NRCAM: variants seen among roughly 807,000 people sequenced by gnomAD.
NRCAM encodes NgCAM-related cell adhesion molecule.
In NRCAM, 83 loss-of-function variants were observed where a neutral mutation model predicts 156.5. That is an observed-to-expected ratio of 0.53 (90% confidence interval 0.44 to 0.64). NRCAM has a LOEUF of 0.64. Ranked by LOEUF, NRCAM falls within the 30% of genes least tolerant of loss-of-function variation. The pLI is 0.00. For synonymous variants in NRCAM, 538 were observed against 563.9 expected (o/e 0.95, Z 0.65); for missense variants, 1,417 against 1,597.3 (o/e 0.89, Z 1.92).
intron 8 of NRCAM, among the ~76,000 whole-genome samples, chr7:108,230,780 T>C (rs899940162): frequency 6.6e-6 from 1 of 152,136 alleles, no homozygotes; most frequent in African/African-American, 2.4e-5. Flanking sequence ...TAAATGTACT[T>C]ATTGCATTTA....
intron 2 of NRCAM, among the ~76,000 whole-genome samples, chr7:108,312,944 G>C (rs891701005): frequency 2.6e-5 from 4 of 152,178 alleles, no homozygotes; most frequent in Non-Finnish European, 5.9e-5. Context: ...CAGAACTCTG[G>C]TGGACATCCC....
intron 3 of NRCAM, among the ~76,000 whole-genome samples, chr7:108,301,190 T>C (rs1454254534): frequency 2.0e-5 from 3 of 152,186 alleles, no homozygotes; most frequent in Non-Finnish European, 2.9e-5. Context: ...TTATTGCATA[T>C]CTGAACAAAG....
At position 108,189,807 on chromosome 7, in the gene NRCAM, C is replaced by T. The variant is rs117767459; in HGVS notation, c.1934-61G>A. 4,141 of 711,756 alleles carry T rather than the reference C, an allele frequency of 5.8e-3. 39 individuals carry two copies. The highest frequency in any genetic ancestry group is 0.027 in the East Asian group (1,016 of 38,224). 44.1% of individuals were successfully genotyped at this position (711,756 alleles called of 1,614,324 possible). A position where few individuals can be genotyped will look rare whatever the true frequency, so the allele number is the denominator to read the frequency against. On this transcript the variant is annotated intron_variant, in intron 19 of 32. Transcript: ENST00000379028. Reference sequence around the variant, plus strand: ...TCCATCTTTAAGAGGCTCTCCTTTACTCGTGATACTATTCACAGAGGGGAC... The same window carrying T: ...TCCATCTTTAAGAGGCTCTCCTTTATTCGTGATACTATTCACAGAGGGGAC...
Position 108,296,592 on chromosome 7 carries a change from G to T in NRCAM, c.-107+16073C>A, listed in dbSNP as rs558405969. On this transcript the variant is annotated intron_variant, in intron 3 of 32. Transcript: ENST00000379028. ...AGGTCAGGATGGTTTTTGGAGGGAG[G>T]GGGATTGTAGGGGGTCTTCATACCC... Among the ~76,000 whole-genome samples the T allele has an allele frequency of 7.2e-5, 11 of 152,170 alleles. No individual in the cohort carries two copies. In the East Asian group the frequency reaches 2.1e-3, roughly 29 times the overall value.
chr7:108,367,286 T>C (rs903850744), intron 2 of NRCAM, among the ~76,000 whole-genome samples: 1 of 152,198 alleles, frequency 6.6e-6, no homozygotes, highest in African/African-American at 2.4e-5. Flanking sequence ...TTTTAACATA[T>C]AAAAGTGAAT....
Position 108,187,206 on chromosome 7 carries a change from C to T in NRCAM, c.2035+2439G>A, listed in dbSNP as rs115768172. Among the ~76,000 whole-genome samples, 1,119 of 152,222 alleles carry T rather than the reference C, an allele frequency of 7.4e-3. 19 individuals are homozygous for T. The highest frequency in any genetic ancestry group is 0.025 in the African/African-American group (1,054 of 41,524). On this transcript the variant is annotated intron_variant, in intron 20 of 32. Transcript: ENST00000379028. ...TCATTCATCACTCCTCTGTTAAAAC[C>T]CTCCAAGGGCTTTCCCATCTTCACA...
intron 3 of NRCAM, among the ~76,000 whole-genome samples, chr7:108,241,457 G>A (rs2095522729): frequency 6.6e-6 from 1 of 152,192 alleles, no homozygotes; most frequent in South Asian, 2.1e-4. Flanking sequence ...AAGAAGGTGG[G>A]AGGGATGTTA....
In NRCAM at chr7:108,232,546, G is replaced by C. The variant is rs2094456353; in HGVS notation, c.231-24C>G. Reference sequence around the variant, plus strand: ...AGCTGCCCAACACACGAAGTGTTAAGTGTATTAATGGTCCAGAAAAATGGG... The same window carrying C: ...AGCTGCCCAACACACGAAGTGTTAACTGTATTAATGGTCCAGAAAAATGGG... On this transcript the variant is annotated intron_variant, in intron 6 of 32. Transcript: ENST00000379028. 4 of 1,553,222 alleles carry C rather than the reference G, an allele frequency of 2.6e-6. No individual in the cohort carries two copies. In the South Asian group the frequency reaches 3.6e-5, roughly 14 times the overall value.
rs780247014 is a variant in NRCAM at position 108,181,914 on chromosome 7, C to T, written c.2554G>A (p.Val852Met). Residue 852 changes from valine (V) to methionine (M), a missense_variant, in exon 24 of 33, where the codon GTG (valine) becomes ATG (methionine). Around this residue, in one of 2 missense-constraint regions of NRCAM, gnomAD observed 1,238 missense variants for 1,336.4 expected, o/e 0.93. Coordinates refer to ENST00000379028, the MANE Select transcript of NRCAM (RefSeq NM_001037132.4). ...GTACTGTTCACCACATTCACACGCA[C>T]GTTCCCAGGAGCCACCATTGGGACT... ...EDLPMVAPGN[V>M]RVNVVNSTLA... The T allele has an allele frequency of 9.9e-6, 16 of 1,613,878 alleles. No individual in the cohort carries two copies. Among genetic ancestry groups the T allele is most frequent in the African/African-American group, 6.7e-5 (5 of 74,880 alleles).
At chr7:108,221,793 C>T (rs2092377599) in intron 11 of NRCAM, among the ~76,000 whole-genome samples, 1 of 152,028 alleles carries the variant, frequency 6.6e-6, no homozygotes, top group South Asian at 2.1e-4. Context: ...TCACAAATCA[C>T]CACTAAATAA....
intron 15 of NRCAM, among the ~76,000 whole-genome samples, chr7:108,195,378 C>G (rs187853800): frequency 2.6e-4 from 39 of 152,228 alleles, no homozygotes; most frequent in Non-Finnish European, 5.1e-4. Context: ...AATCCCAGCA[C>G]TTTGGGAGGC....
intron 3 of NRCAM, among the ~76,000 whole-genome samples, chr7:108,309,599 G>A (rs1383243638): frequency 6.6e-6 from 1 of 152,164 alleles, no homozygotes; most frequent in Non-Finnish European, 1.5e-5. Flanking sequence ...GCTCATGCCT[G>A]TAATTCCAGT....
intron 1 of NRCAM, among the ~76,000 whole-genome samples, chr7:108,408,990 T>C (rs866397194): frequency 2.2e-4 from 34 of 152,010 alleles, no homozygotes; most frequent in African/African-American, 8.0e-4. Context: ...GCCCTTAAGC[T>C]GGGGAACGAG....
At chr7:108,310,447 T>C (rs760664475) in intron 3 of NRCAM, among the ~76,000 whole-genome samples, 3 of 152,150 alleles carry the variant, frequency 2.0e-5, no homozygotes, top group Non-Finnish European at 4.4e-5. Context: ...TGTGTGACAC[T>C]GGATAAGGGC....
intron 2 of NRCAM, among the ~76,000 whole-genome samples, chr7:108,330,921 T>C (rs2099120078): frequency 6.6e-6 from 1 of 152,222 alleles, no homozygotes; most frequent in South Asian, 2.1e-4. Flanking sequence ...ATCTCTCAGA[T>C]TGTCCAGACC....
intron 11 of NRCAM, among the ~76,000 whole-genome samples, chr7:108,216,271 C>CA (rs1424493662): frequency 6.6e-6 from 1 of 152,180 alleles, no homozygotes; most frequent in East Asian, 1.9e-4. Flanking sequence ...GGGTTTCTGC[C>CA]AAAAGATCCG....
At chr7:108,270,670 CTG>C (rs1294476889) in intron 3 of NRCAM, among the ~76,000 whole-genome samples, 2 of 152,172 alleles carry the variant, frequency 1.3e-5, no homozygotes, top group African/African-American at 4.8e-5. Context: ...GATAAGCAAA[CTG>C]TGGTATATGG....
chr7:108,450,132 A>C (rs2154494624), intron 1 of NRCAM, among the ~76,000 whole-genome samples: 1 of 152,296 alleles, frequency 6.6e-6, no homozygotes, highest in East Asian at 1.9e-4. Context: ...GCAATATGGA[A>C]GAAATTCGGA....
intron 2 of NRCAM, among the ~76,000 whole-genome samples, chr7:108,324,061 T>A (rs540367988): frequency 2.0e-5 from 3 of 152,002 alleles, no homozygotes; most frequent in South Asian, 2.1e-4. Flanking sequence ...GGGCACCACA[T>A]GATCTAGGGC....
Sources: gnomAD v4.1 joint callset for allele counts (sites outside exome capture counted in the v4.1 genomes callset) on GRCh38, gnomAD v4.1.1 for gene constraint, gnomAD v4.1.1 regional missense constraint, MANE v1.5 for transcripts, NCBI Gene and HGNC (gene_info 2026-07-23, HGNC 2026-07-21) for gene names.